RUNX2: variants seen among roughly 807,000 people sequenced by gnomAD.
RUNX2 encodes the protein runt-related transcription factor 2.
In RUNX2, 10 loss-of-function variants were observed where a neutral mutation model predicts 51.7. The ratio of observed to expected loss-of-function variants is 0.19; its 90% CI spans 0.12 to 0.33. The LOEUF (loss-of-function observed/expected upper bound fraction) is 0.33, where lower values mean the gene tolerates loss of function less well. Among genes scored for constraint, RUNX2 ranks in the 10% least tolerant of loss-of-function variants. The pLI, the probability that RUNX2 is intolerant of heterozygous loss-of-function variation, is 1.00. For missense variants in RUNX2, 562 were observed against 691.3 expected (o/e 0.81, Z 2.10); for synonymous variants, 276 against 273.6 (o/e 1.01, Z -0.09).
chr6:45,394,327 G>A (rs1463659307), intron 2 of RUNX2, among the ~76,000 whole-genome samples: 1 of 152,028 alleles, frequency 6.6e-6, no homozygotes, highest in African/African-American at 2.4e-5. Flanking sequence ...TTCCACCAAG[G>A]CCCCACCTCT....
At chr6:45,503,340 C>T (rs1800854628) in intron 6 of RUNX2, among the ~76,000 whole-genome samples, 1 of 152,060 alleles carries the variant, frequency 6.6e-6, no homozygotes, top group African/African-American at 2.4e-5. Context: ...GAGTAGATAC[C>T]TGATACATAT....
intron 7 of RUNX2, among the ~76,000 whole-genome samples, chr6:45,540,953 T>C (rs1014408409): frequency 6.6e-6 from 1 of 152,220 alleles, no homozygotes; most frequent in African/African-American, 2.4e-5. Context: ...GCAATAATGC[T>C]TGGGAATAGC....
chr6:45,350,258 C>G (rs148258187), intron 2 of RUNX2, among the ~76,000 whole-genome samples: 170 of 152,260 alleles, frequency 1.1e-3, no homozygotes, highest in African/African-American at 3.7e-3. Context: ...TAGGCACCCA[C>G]TTGGTAATTG....
chr6:45,517,483 A>G (rs1191147530), intron 7 of RUNX2, among the ~76,000 whole-genome samples: 1 of 152,014 alleles, frequency 6.6e-6, no homozygotes, highest in Admixed American at 6.6e-5. Context: ...GCTTGCCACT[A>G]TAGATTGTAT....
At chr6:45,454,876 G>A (rs892180960) in intron 5 of RUNX2, among the ~76,000 whole-genome samples, 3 of 152,210 alleles carry the variant, frequency 2.0e-5, no homozygotes, top group Non-Finnish European at 4.4e-5. Context: ...TACTTTGGGA[G>A]GCTGAGGCAG....
At position 45,539,060 on chromosome 6, in the gene RUNX2, C is replaced by T. The variant is rs73737462; in HGVS notation, c.1022-6157C>T. ...CCCCTCCATCTTTGGCTCGTTCCTT[C>T]CCTTACTCTCCCTCCCTGTATGCAT... On this transcript the variant is annotated intron_variant, in intron 7 of 8. Coordinates refer to ENST00000647337, the MANE Select transcript of RUNX2 (RefSeq NM_001024630.4). Among the ~76,000 whole-genome samples the T allele has an allele frequency of 2.4e-3, 369 of 152,274 alleles. 4 individuals carry two copies. The highest frequency in any genetic ancestry group is 7.8e-3 in the African/African-American group (322 of 41,546).
At chr6:45,362,250 T>A (rs1794388415) in intron 2 of RUNX2, among the ~76,000 whole-genome samples, 1 of 152,164 alleles carries the variant, frequency 6.6e-6, no homozygotes. Context: ...AGTGAAACCA[T>A]TCCCCAGAAA....
intron 2 of RUNX2, among the ~76,000 whole-genome samples, chr6:45,412,164 A>T (rs999081444): frequency 1.4e-5 from 2 of 142,960 alleles, no homozygotes; most frequent in Admixed American, 1.5e-4. Context: ...CCTGGGCTAC[A>T]TGCCCAGTAT....
At chr6:45,441,884 C>A (rs1455655027) in intron 5 of RUNX2, among the ~76,000 whole-genome samples, 1 of 152,334 alleles carries the variant, frequency 6.6e-6, no homozygotes, top group East Asian at 1.9e-4. Context: ...CCAAGACTTG[C>A]TTTTCACTCA....
chr6:45,483,365 G>A (rs1293161158), intron 5 of RUNX2, among the ~76,000 whole-genome samples: 1 of 148,084 alleles, frequency 6.8e-6, no homozygotes, highest in Non-Finnish European at 1.5e-5. Context: ...TTTTTTTTCT[G>A]TCTTCTTTGT....
At chr6:45,523,714 C>T (rs906350260) in intron 7 of RUNX2, among the ~76,000 whole-genome samples, 2 of 151,868 alleles carry the variant, frequency 1.3e-5, no homozygotes, top group Admixed American at 1.3e-4. Context: ...GTGGATGGAT[C>T]ACGAGGTCAG....
intron 5 of RUNX2, among the ~76,000 whole-genome samples, chr6:45,480,551 T>G (rs1800083262): frequency 6.6e-6 from 1 of 152,196 alleles, no homozygotes; most frequent in African/African-American, 2.4e-5. Flanking sequence ...ATGCCTGACC[T>G]GAGAGGGTAA....
intron 6 of RUNX2, among the ~76,000 whole-genome samples, chr6:45,510,661 T>C (rs1326863949): frequency 6.6e-6 from 1 of 152,088 alleles, no homozygotes; most frequent in Non-Finnish European, 1.5e-5. Context: ...GTAGGGATAA[T>C]TTGAAACCTA....
rs149819275 is a variant in RUNX2 at position 45,503,771 on chromosome 6, T to C, written c.860-8475T>C. Among the ~76,000 whole-genome samples, 561 of 152,364 alleles carry C rather than the reference T, an allele frequency of 3.7e-3. 3 individuals carry two copies. Among genetic ancestry groups the C allele is most frequent in the Middle Eastern group, 6.8e-3 (2 of 294 alleles). On this transcript the variant is annotated intron_variant, in intron 6 of 8. Transcript: ENST00000647337. ...TTTTCTGTAAGACAGTTATGATCCC[T>C]ATCTAGCAAAAGTTGGTGATACATA...
At chr6:45,540,437 C>A (rs1802185975) in intron 7 of RUNX2, among the ~76,000 whole-genome samples, 1 of 152,064 alleles carries the variant, frequency 6.6e-6, no homozygotes, top group African/African-American at 2.4e-5. Context: ...TGTCAGGGTG[C>A]AGAGGTAGAA....
At chr6:45,462,134 A>C (rs1799495829) in intron 5 of RUNX2, among the ~76,000 whole-genome samples, 1 of 152,270 alleles carries the variant, frequency 6.6e-6, no homozygotes, top group Non-Finnish European at 1.5e-5. Context: ...TCCATTCCTG[A>C]CAGTCTGCTT....
At chr6:45,540,724 C>T (rs932739192) in intron 7 of RUNX2, among the ~76,000 whole-genome samples, 1 of 152,196 alleles carries the variant, frequency 6.6e-6, no homozygotes, top group African/African-American at 2.4e-5. Flanking sequence ...AGTGTGCTTA[C>T]CTAACAGCAG....
At chr6:45,500,601 T>C (rs1800775454) in intron 6 of RUNX2, among the ~76,000 whole-genome samples, 1 of 151,540 alleles carries the variant, frequency 6.6e-6, no homozygotes, top group South Asian at 2.1e-4. Flanking sequence ...AGGTGGGGAG[T>C]GGGTGAAGGT....
intron 4 of RUNX2, 25 bp downstream of exon 4, chr6:45,432,044 A>G (rs1798556352): frequency 6.2e-7 from 1 of 1,610,418 alleles, no homozygotes. Context: ...TTTGATACTG[A>G]TAATAGAATA....
Sources: allele counts gnomAD v4.1 joint callset (sites outside exome capture counted in the v4.1 genomes callset), GRCh38; gene constraint gnomAD v4.1.1; transcripts MANE v1.5; gene names NCBI Gene and HGNC (gene_info 2026-07-23, HGNC 2026-07-21).